The following UBE2R2 variants were observed in gnomAD, a reference collection of about 807,000 sequenced individuals.
UBE2R2 encodes the protein ubiquitin-conjugating enzyme E2 R2.
A neutral mutation model predicts 27.8 loss-of-function variants in UBE2R2; 1 was observed. The observed-to-expected ratio is 0.04, with a 90% CI of 0.01 to 0.17. The LOEUF is 0.17. UBE2R2 is among the 10% of genes least tolerant of loss of function. The pLI is 1.00. For missense variants in UBE2R2, 100 were observed against 291.0 expected, an observed-to-expected ratio of 0.34 and a Z score of 4.78; for synonymous variants, 106 against 113.3, an observed-to-expected ratio of 0.94 and a Z score of 0.41.
chr9:33,842,482 A>G (rs1338862658), intron 1 of UBE2R2, among the ~76,000 whole-genome samples: 2 of 152,212 alleles, frequency 1.3e-5, no homozygotes, highest in Non-Finnish European at 2.9e-5. Context: ...AGGTCTCATT[A>G]AGAATTGAAT....
intron 1 of UBE2R2, among the ~76,000 whole-genome samples, chr9:33,866,273 C>T (rs1427251065): frequency 6.6e-6 from 1 of 150,446 alleles, no homozygotes; most frequent in Non-Finnish European, 1.5e-5. Context: ...GAGTCTTGCT[C>T]CCTCACCCAG....
intron 1 of UBE2R2, among the ~76,000 whole-genome samples, chr9:33,867,722 C>G (rs930291309): frequency 6.6e-6 from 1 of 152,204 alleles, no homozygotes; most frequent in African/African-American, 2.4e-5. Context: ...GCAAGCTCTG[C>G]TTCCTGGGTA....
At chr9:33,911,459 T>C (rs1822489344) in intron 3 of UBE2R2, among the ~76,000 whole-genome samples, 1 of 141,642 alleles carries the variant, frequency 7.1e-6, no homozygotes. Flanking sequence ...AATAGCATCA[T>C]TTTTACCAGC....
chr9:33,835,832 A>G (rs1820603063), intron 1 of UBE2R2, among the ~76,000 whole-genome samples: 1 of 152,168 alleles, frequency 6.6e-6, no homozygotes, highest in Admixed American at 6.5e-5. Context: ...ACAGTGAGCT[A>G]TGATTGCACT....
At chr9:33,866,656 AAAAG>A (rs202246903) in intron 1 of UBE2R2, among the ~76,000 whole-genome samples, 2 of 150,798 alleles carry the variant, frequency 1.3e-5, no homozygotes, top group Non-Finnish European at 3.0e-5. Context: ...AGATCATGAA[AAAAG>A]AAAATTGCCA....
At chr9:33,872,871 AAATG>A (rs1821517230) in intron 1 of UBE2R2, among the ~76,000 whole-genome samples, 2 of 151,896 alleles carry the variant, frequency 1.3e-5, no homozygotes, top group Non-Finnish European at 2.9e-5. Context: ...TTTCAGAAAT[AAATG>A]GTTAAGATTT....
At chr9:33,873,650 T>C (rs191721698) in intron 1 of UBE2R2, among the ~76,000 whole-genome samples, 236 of 152,202 alleles carry the variant, frequency 1.6e-3, no homozygotes, top group African/African-American at 5.5e-3. Context: ...ATTAAAACTT[T>C]TTTGGGGAGG....
At chr9:33,861,609 C>T (rs995781785) in intron 1 of UBE2R2, among the ~76,000 whole-genome samples, 1 of 151,438 alleles carries the variant, frequency 6.6e-6, no homozygotes, top group African/African-American at 2.4e-5. Flanking sequence ...AAAGTTTGAA[C>T]AAGCTAGTCT....
At chr9:33,868,189 A>G (rs1349041508) in intron 1 of UBE2R2, among the ~76,000 whole-genome samples, 3 of 152,026 alleles carry the variant, frequency 2.0e-5, no homozygotes, top group African/African-American at 7.2e-5. Flanking sequence ...AATTTTTCCT[A>G]TGCTCAGCTG....
intron 1 of UBE2R2, among the ~76,000 whole-genome samples, chr9:33,857,316 T>TTTTA (rs752445786): frequency 2.4e-4 from 37 of 151,812 alleles, no homozygotes; most frequent in Non-Finnish European, 4.9e-4. Context: ...TAGTGTTGAC[T>TTTTA]TTTATTTATT....
intron 1 of UBE2R2, among the ~76,000 whole-genome samples, chr9:33,865,192 C>CTCTA (rs57240208): frequency 0.076 from 11,449 of 151,128 alleles, 629 homozygotes; most frequent in Non-Finnish European, 0.11. Flanking sequence ...CTGTCTCTCT[C>CTCTA]TCTATCTATC....
At chr9:33,824,511 C>T (rs547820851) in intron 1 of UBE2R2, among the ~76,000 whole-genome samples, 51 of 152,080 alleles carry the variant, frequency 3.4e-4, no homozygotes, top group African/African-American at 1.2e-3. Context: ...TGGTGGTAGG[C>T]ACATGTAGTC....
rs559430826 is a variant in UBE2R2, at chr9:33,908,471, AAAAG to A, written c.363-3487_363-3484del. Among the ~76,000 whole-genome samples, 168 of 152,278 alleles carry A rather than the reference AAAAG, an allele frequency of 1.1e-3. 1 individual carries two copies. Among genetic ancestry groups the A allele is most frequent in the African/African-American group, 3.9e-3 (161 of 41,582 alleles). ...GAGATTATTCCCCATACAAAAAAGAAAAAGAAAGATTCTGCTCTTCAGACAGAAA... is the reference window on the plus strand; with the variant it reads ...GAGATTATTCCCCATACAAAAAAGAAAAAGATTCTGCTCTTCAGACAGAAA... On this transcript the variant is annotated intron_variant, in intron 3 of 4. Coordinates refer to ENST00000263228, the MANE Select transcript of UBE2R2 (RefSeq NM_017811.4).
At chr9:33,864,508 C>T (rs1245057258) in intron 1 of UBE2R2, among the ~76,000 whole-genome samples, 1 of 152,070 alleles carries the variant, frequency 6.6e-6, no homozygotes, top group Non-Finnish European at 1.5e-5. Flanking sequence ...ATACTTTGAA[C>T]CTTTTCAACT....
At chr9:33,852,677 G>A (rs1046449368) in intron 1 of UBE2R2, among the ~76,000 whole-genome samples, 8 of 152,036 alleles carry the variant, frequency 5.3e-5, no homozygotes, top group East Asian at 1.9e-4. Context: ...AGGTAACTGC[G>A]TTTACTGTTC....
intron 1 of UBE2R2, chr9:33,868,440 A>G (rs1205623219): frequency 1.3e-5 from 2 of 152,136 alleles, no homozygotes; most frequent in Admixed American, 6.6e-5. Flanking sequence ...GTGTGTGTAC[A>G]CACACTTTTT....
Position 33,919,537 on chromosome 9 carries a change from T to C in UBE2R2, c.*2300T>C, listed in dbSNP as rs1215591815. On this transcript the variant is annotated 3_prime_UTR_variant, in exon 5 of 5. Coordinates refer to ENST00000263228, the MANE Select transcript of UBE2R2 (RefSeq NM_017811.4). Reference sequence around the variant, plus strand: ...AGTGGAGGTTGTACCTTTCAGCCCTTTGGGGTGTTAAAAGTGTCAAGGGCT... The same window carrying C: ...AGTGGAGGTTGTACCTTTCAGCCCTCTGGGGTGTTAAAAGTGTCAAGGGCT... The C allele has an allele frequency of 6.6e-6, 1 of 152,144 alleles. No individual in the cohort carries two copies. Among genetic ancestry groups the C allele is most frequent in the Admixed American group, 6.5e-5 (1 of 15,280 alleles). The allele number at this position is 152,144 out of a possible 1,614,324, so 9.4% of individuals were successfully genotyped here. A position where few individuals can be genotyped will look rare whatever the true frequency, so the allele number is the denominator to read the frequency against.
At chr9:33,862,406 A>T (rs1313040200) in intron 1 of UBE2R2, among the ~76,000 whole-genome samples, 1 of 152,118 alleles carries the variant, frequency 6.6e-6, no homozygotes, top group Non-Finnish European at 1.5e-5. Flanking sequence ...CTGCTGGCTA[A>T]ATTAGACAGA....
chr9:33,817,432 T>TC lies in UBE2R2; in HGVS notation c.-316dup, dbSNP rs1271886945. 338 of 92,206 alleles carry TC rather than the reference T, an allele frequency of 3.7e-3. No homozygotes were observed. Among genetic ancestry groups the TC allele is most frequent in the Admixed American group, 5.8e-3 (50 of 8,668 alleles). 5.7% of individuals were successfully genotyped at this position (92,206 alleles called of 1,614,324 possible). A position where few individuals can be genotyped will look rare whatever the true frequency, so the allele number is the denominator to read the frequency against. ...CGCCTTCCTCCGCTTCCACCTCCTC[T>TC]CCCCCCCCCCAAGTTGAGGCCCCCT... On this transcript the variant is annotated 5_prime_UTR_variant, in exon 1 of 5. Transcript: ENST00000263228.
Sources: allele counts gnomAD v4.1 joint callset (sites outside exome capture counted in the v4.1 genomes callset), GRCh38; gene constraint gnomAD v4.1.1; transcripts MANE v1.5; gene names NCBI Gene and HGNC (gene_info 2026-07-23, HGNC 2026-07-21).